Variants in PTPRR observed in about 807,000 individuals in gnomAD.
PTPRR encodes protein tyrosine phosphatase receptor type R, also known as receptor-type tyrosine-protein phosphatase R.
PTPRR carries 38 observed loss-of-function variants against 77.2 expected under a neutral mutation model. The observed-to-expected ratio is 0.49, with a 90% CI of 0.38 to 0.65. The LOEUF (loss-of-function observed/expected upper bound fraction) is 0.65, where lower values mean the gene tolerates loss of function less well. Among genes scored for constraint, PTPRR ranks in the 30% least tolerant of loss-of-function variants. The probability of loss-of-function intolerance (pLI) is 0.00; values close to 1 mark genes in which losing one functional copy is unlikely to be tolerated. For synonymous variants in PTPRR, 299 were observed against 283.1 expected (o/e 1.06, Z -0.57); for missense variants, 744 against 799.2 (o/e 0.93, Z 0.83).
chr12:70,642,309 G>A (rs1267193238), intron 13 of PTPRR, among the ~76,000 whole-genome samples: 1 of 152,148 alleles, frequency 6.6e-6, no homozygotes, highest in Non-Finnish European at 1.5e-5. Context: ...GAAACTAAAT[G>A]CAAGGCTTTC....
chr12:70,881,457 G>T (rs533749724), intron 2 of PTPRR, among the ~76,000 whole-genome samples: 3 of 152,118 alleles, frequency 2.0e-5, no homozygotes, highest in African/African-American at 7.2e-5. Context: ...TCCCACAATT[G>T]TAGAAATTGT....
intron 2 of PTPRR, among the ~76,000 whole-genome samples, chr12:70,815,133 CAA>C (rs368833751): frequency 7.2e-6 from 1 of 139,114 alleles, no homozygotes; most frequent in South Asian, 2.2e-4. Context: ...GATAAGATAT[CAA>C]AAAAAAAAAA....
chr12:70,838,703 T>C (rs1041446770), intron 2 of PTPRR, among the ~76,000 whole-genome samples: 1 of 152,254 alleles, frequency 6.6e-6, no homozygotes, highest in East Asian at 1.9e-4. Context: ...GAAGCTACCA[T>C]GAGCAAACAC....
At chr12:70,807,974 G>A (rs756175424) in intron 2 of PTPRR, among the ~76,000 whole-genome samples, 1 of 152,182 alleles carries the variant, frequency 6.6e-6, no homozygotes, top group Admixed American at 6.6e-5. Context: ...GGGCAGGACA[G>A]AGCCATATTT....
intron 2 of PTPRR, among the ~76,000 whole-genome samples, chr12:70,832,425 T>A (rs1233243353): frequency 6.6e-6 from 1 of 152,146 alleles, no homozygotes; most frequent in African/African-American, 2.4e-5. Context: ...ATATTATGGA[T>A]AAAGGGCATT....
At chr12:70,795,940 TTG>T (rs1891504927) in intron 2 of PTPRR, among the ~76,000 whole-genome samples, 3 of 133,522 alleles carry the variant, frequency 2.2e-5, no homozygotes, top group African/African-American at 8.5e-5. Context: ...TTTTTTTTTT[TTG>T]ACACAGAGTC....
At chr12:70,776,491 A>G (rs1891090681) in intron 2 of PTPRR, among the ~76,000 whole-genome samples, 1 of 152,154 alleles carries the variant, frequency 6.6e-6, no homozygotes. Context: ...CTCTGAAAAA[A>G]TCTCATTTTC....
chr12:70,838,126 G>A (rs979465877), intron 2 of PTPRR, among the ~76,000 whole-genome samples: 1 of 152,112 alleles, frequency 6.6e-6, no homozygotes, highest in Non-Finnish European at 1.5e-5. Flanking sequence ...TGATCCTGAA[G>A]ACTGGATCTC....
chr12:70,701,401 C>T, intron 6 of PTPRR, 78 bp from the exon 7 acceptor site: 2 of 1,276,672 alleles, frequency 1.6e-6, no homozygotes, highest in Non-Finnish European at 1.1e-6. Flanking sequence ...TGTACATGCA[C>T]ACAATTCAGT....
At chr12:70,827,720 T>A (rs1452984536) in intron 2 of PTPRR, among the ~76,000 whole-genome samples, 1 of 134,762 alleles carries the variant, frequency 7.4e-6, no homozygotes, top group Non-Finnish European at 1.6e-5. Flanking sequence ...TTTTTTTTTT[T>A]TTTTTTTTTT....
chr12:70,756,879 C>T (rs532987849), intron 4 of PTPRR, among the ~76,000 whole-genome samples: 27 of 152,180 alleles, frequency 1.8e-4, no homozygotes, highest in Admixed American at 1.4e-3. Flanking sequence ...AGATACACCT[C>T]TTTAAGAGAG....
intron 6 of PTPRR, among the ~76,000 whole-genome samples, chr12:70,742,183 A>G (rs980377275): frequency 4.6e-5 from 7 of 152,192 alleles, no homozygotes; most frequent in Non-Finnish European, 1.0e-4. Flanking sequence ...TCATGTTGAG[A>G]AAGTCTCCTT....
intron 6 of PTPRR, among the ~76,000 whole-genome samples, chr12:70,704,968 T>C (rs1888564792): frequency 6.6e-6 from 1 of 152,002 alleles, no homozygotes; most frequent in Non-Finnish European, 1.5e-5. Flanking sequence ...TTTATCAAGC[T>C]CCTGCTGCAG....
intron 10 of PTPRR, among the ~76,000 whole-genome samples, chr12:70,681,740 C>A (rs997154942): frequency 6.6e-6 from 1 of 152,100 alleles, no homozygotes; most frequent in African/African-American, 2.4e-5. Flanking sequence ...CTAGTCGGCT[C>A]TCTTGCTTTG....
intron 2 of PTPRR, among the ~76,000 whole-genome samples, chr12:70,783,323 A>C (rs1412016077): frequency 6.6e-6 from 1 of 151,826 alleles, no homozygotes; most frequent in Non-Finnish European, 1.5e-5. Context: ...CTGGTTGTGC[A>C]GACATCTACT....
intron 2 of PTPRR, among the ~76,000 whole-genome samples, chr12:70,880,107 G>T (rs559788210): frequency 6.6e-6 from 1 of 151,918 alleles, no homozygotes; most frequent in Non-Finnish European, 1.5e-5. Context: ...AGGCCAAAAA[G>T]ATACATTTTT....
At chr12:70,866,909 T>G (rs974595592) in intron 2 of PTPRR, among the ~76,000 whole-genome samples, 2 of 151,844 alleles carry the variant, frequency 1.3e-5, no homozygotes, top group Non-Finnish European at 2.9e-5. Flanking sequence ...ATACAGCATA[T>G]AAACAGAACC....
intron 13 of PTPRR, among the ~76,000 whole-genome samples, chr12:70,640,720 T>C (rs1016554178): frequency 1.3e-5 from 2 of 152,206 alleles, no homozygotes; most frequent in African/African-American, 4.8e-5. Context: ...AAACAAGATA[T>C]CTTGTCTCAC....
chr12:70,803,342 A>C, intron 2 of PTPRR, among the ~76,000 whole-genome samples: 1 of 152,186 alleles, frequency 6.6e-6, no homozygotes, highest in East Asian at 1.9e-4. Flanking sequence ...CACAGAAATA[A>C]AATTGCAGGG....
Sources: gnomAD v4.1 joint callset for allele counts (sites outside exome capture counted in the v4.1 genomes callset) on GRCh38, gnomAD v4.1.1 for gene constraint, MANE v1.5 for transcripts, NCBI Gene and HGNC (gene_info 2026-07-23, HGNC 2026-07-21) for gene names.